Variants in LIN7A observed in about 807,000 individuals in gnomAD.
LIN7A encodes the protein lin-7 cell polarity scaffold A, also known as protein lin-7 homolog A.
LIN7A carries 25 observed loss-of-function variants against 29.8 expected under a neutral mutation model. The observed-to-expected ratio is 0.84, with a 90% confidence interval of 0.61 to 1.17. The LOEUF is 1.17. Among genes scored for constraint, LIN7A ranks in the 50% most tolerant of loss-of-function variants. The probability of loss-of-function intolerance (pLI) is 0.00; values close to 1 mark genes in which losing one functional copy is unlikely to be tolerated. For synonymous variants in LIN7A, 118 were observed against 107.5 expected (o/e 1.10, Z -0.60); for missense variants, 239 against 287.0 (o/e 0.83, Z 1.21).
intron 1 of LIN7A, among the ~76,000 whole-genome samples, chr12:80,917,526 A>G (rs2120848659): frequency 6.6e-6 from 1 of 152,342 alleles, no homozygotes; most frequent in South Asian, 2.1e-4. Context: ...AAATGGTATT[A>G]TAATTTAAAA....
intron 1 of LIN7A, among the ~76,000 whole-genome samples, chr12:80,915,534 G>A (rs936972945): frequency 6.6e-6 from 1 of 152,172 alleles, no homozygotes; most frequent in Non-Finnish European, 1.5e-5. Flanking sequence ...ATATATCCAA[G>A]AGAAAATAAT....
At chr12:80,824,834 C>A (rs1871980644) in intron 4 of LIN7A, among the ~76,000 whole-genome samples, 1 of 152,202 alleles carries the variant, frequency 6.6e-6, no homozygotes, top group Non-Finnish European at 1.5e-5. Context: ...TTAAAACCCT[C>A]AGCAAAATCG....
chr12:80,887,264 T>C (rs1423956948), intron 2 of LIN7A, among the ~76,000 whole-genome samples: 2 of 152,132 alleles, frequency 1.3e-5, no homozygotes, highest in Non-Finnish European at 2.9e-5. Flanking sequence ...TATCATCTTA[T>C]CTGTCACTCA....
intron 4 of LIN7A, among the ~76,000 whole-genome samples, chr12:80,823,429 C>G (rs1871910170): frequency 6.6e-6 from 1 of 152,208 alleles, no homozygotes; most frequent in Admixed American, 6.5e-5. Context: ...TGTGGTACAC[C>G]TGGTCCAGCC....
At chr12:80,890,236 A>T (rs891322903) in intron 1 of LIN7A, among the ~76,000 whole-genome samples, 2 of 152,190 alleles carry the variant, frequency 1.3e-5, no homozygotes, top group Admixed American at 6.5e-5. Context: ...AGAGTCATTT[A>T]AAAATACTTA....
intron 2 of LIN7A, among the ~76,000 whole-genome samples, chr12:80,862,560 A>G (rs1873932980): frequency 6.6e-6 from 1 of 152,140 alleles, no homozygotes; most frequent in Admixed American, 6.5e-5. Context: ...CATTGAACTC[A>G]AGGCCAACAG....
At chr12:80,928,084 C>T (rs1877703393) in intron 1 of LIN7A, among the ~76,000 whole-genome samples, 1 of 152,198 alleles carries the variant, frequency 6.6e-6, no homozygotes, top group African/African-American at 2.4e-5. Flanking sequence ...ATATGTGCCA[C>T]ATTTTCTTAA....
intron 1 of LIN7A, among the ~76,000 whole-genome samples, chr12:80,919,588 C>T (rs56083018): frequency 0.11 from 16,086 of 151,992 alleles, 1,068 homozygotes; most frequent in Non-Finnish European, 0.14. Flanking sequence ...CCCATTACAA[C>T]GGGGAGAAGG....
At chr12:80,882,274 T>C (rs749282724) in intron 2 of LIN7A, among the ~76,000 whole-genome samples, 23 of 115,200 alleles carry the variant, frequency 2.0e-4, no homozygotes, top group Non-Finnish European at 3.6e-4. Flanking sequence ...AGTACTATCA[T>C]TTTTCTTTCA....
intron 2 of LIN7A, among the ~76,000 whole-genome samples, chr12:80,876,084 G>GAGAGAGAGAGAA (rs1555226199): frequency 8.1e-5 from 12 of 148,788 alleles, no homozygotes; most frequent in African/African-American, 2.7e-4. Context: ...CACACACAGA[G>GAGAGAGAGAGAA]AGAGAGAAAG....
At chr12:80,886,693 T>A (rs183815789) in intron 2 of LIN7A, among the ~76,000 whole-genome samples, 1 of 152,152 alleles carries the variant, frequency 6.6e-6, no homozygotes, top group Admixed American at 6.5e-5. Context: ...AATTACATCA[T>A]CTGCTTTCCC....
chr12:80,836,612 G>A (rs1013125270), intron 4 of LIN7A, among the ~76,000 whole-genome samples: 4 of 152,138 alleles, frequency 2.6e-5, no homozygotes, highest in African/African-American at 4.8e-5. Flanking sequence ...CCAAGATCAC[G>A]CCACTGCACT....
intron 3 of LIN7A, among the ~76,000 whole-genome samples, chr12:80,847,253 T>G (rs568639221): frequency 1.9e-4 from 29 of 152,176 alleles, no homozygotes; most frequent in Non-Finnish European, 4.3e-4. Context: ...ACTACACAAT[T>G]CACTTTCCCC....
rs940665834 is a variant in LIN7A at position 80,796,483 on chromosome 12, T to C, written c.*1244A>G. 5 of 152,158 alleles carry C rather than the reference T, an allele frequency of 3.3e-5. No homozygotes were observed. Among genetic ancestry groups the C allele is most frequent in the Non-Finnish European group, 5.9e-5 (4 of 68,008 alleles). 9.4% of individuals were successfully genotyped at this position (152,158 alleles called of 1,614,324 possible). A position where few individuals can be genotyped will look rare whatever the true frequency, so the allele number is the denominator to read the frequency against. ...GAATGATATTTTCTGAAAAATGATA[T>C]CTCATTGTCTATTTACCTATGGGAA... On this transcript the variant is annotated 3_prime_UTR_variant, in exon 6 of 6. Transcript: ENST00000552864.
intron 1 of LIN7A, among the ~76,000 whole-genome samples, chr12:80,913,899 T>C (rs541220842): frequency 1.2e-4 from 18 of 152,196 alleles, no homozygotes; most frequent in Non-Finnish European, 2.5e-4. Context: ...TCATTATATA[T>C]TATTTGGCGT....
At chr12:80,867,874 C>T (rs1874222847) in intron 2 of LIN7A, among the ~76,000 whole-genome samples, 2 of 152,140 alleles carry the variant, frequency 1.3e-5, no homozygotes, top group Admixed American at 1.3e-4. Flanking sequence ...AACCCATCTC[C>T]TTAATACACA....
intron 2 of LIN7A, among the ~76,000 whole-genome samples, chr12:80,868,604 C>A (rs568059829): frequency 2.2e-4 from 34 of 152,136 alleles, no homozygotes; most frequent in African/African-American, 4.6e-4. Context: ...ACAACAACAA[C>A]AAAAAACAGG....
intron 1 of LIN7A, among the ~76,000 whole-genome samples, chr12:80,922,970 T>G (rs952191423): frequency 1.3e-5 from 2 of 151,936 alleles, no homozygotes; most frequent in Non-Finnish European, 2.9e-5. Context: ...CTTGCATAAG[T>G]GGGGGGCACT....
At chr12:80,880,645 G>A (rs1874973287) in intron 2 of LIN7A, among the ~76,000 whole-genome samples, 1 of 152,018 alleles carries the variant, frequency 6.6e-6, no homozygotes, top group African/African-American at 2.4e-5. Flanking sequence ...AATTACGCTG[G>A]ATCTTGCATA....
Sources: allele counts gnomAD v4.1 joint callset (sites outside exome capture counted in the v4.1 genomes callset), GRCh38; gene constraint gnomAD v4.1.1; transcripts MANE v1.5; gene names NCBI Gene and HGNC (gene_info 2026-07-23, HGNC 2026-07-21).